Variants in GRIK1 observed in about 807,000 individuals in gnomAD.
The protein encoded by GRIK1 is glutamate ionotropic receptor kainate type subunit 1, also known as glutamate receptor ionotropic, kainate 1.
Under a neutral mutation model 105.7 loss-of-function variants are expected in GRIK1, and 69 were observed. The observed-to-expected ratio is 0.65, with a 90% CI of 0.54 to 0.80. The LOEUF (loss-of-function observed/expected upper bound fraction) is 0.80. Ranked by LOEUF, GRIK1 falls within the 30% of genes least tolerant of loss-of-function variation. The pLI, the probability that GRIK1 is intolerant of heterozygous loss-of-function variation, is 0.00. For synonymous variants in GRIK1, 438 were observed against 431.3 expected (o/e 1.02, Z -0.19); for missense variants, 1,109 against 1,167.3 (o/e 0.95, Z 0.73).
At chr21:29,910,664 C>G (rs962774534) in intron 1 of GRIK1, among the ~76,000 whole-genome samples, 2 of 152,184 alleles carry the variant, frequency 1.3e-5, no homozygotes, top group Non-Finnish European at 2.9e-5. Context: ...TTTCTTGTGG[C>G]TATGATGTGT....
intron 1 of GRIK1, among the ~76,000 whole-genome samples, chr21:29,832,605 G>T (rs2067674533): frequency 6.6e-6 from 1 of 152,132 alleles, no homozygotes; most frequent in African/African-American, 2.4e-5. Context: ...GTGTATCTGG[G>T]GTCCTTTTAG....
chr21:29,866,739 C>T (rs1038904857), intron 1 of GRIK1, among the ~76,000 whole-genome samples: 2 of 152,104 alleles, frequency 1.3e-5, no homozygotes, highest in Admixed American at 1.3e-4. Flanking sequence ...CAGTATGGCA[C>T]ACAAAATTCA....
intron 1 of GRIK1, among the ~76,000 whole-genome samples, chr21:29,752,058 T>G (rs1020005557): frequency 2.0e-5 from 3 of 152,220 alleles, no homozygotes; most frequent in Non-Finnish European, 4.4e-5. Context: ...GAGATAATAG[T>G]CTCTAGAGCT....
chr21:29,765,966 C>T (rs2145714898), intron 1 of GRIK1, among the ~76,000 whole-genome samples: 1 of 152,162 alleles, frequency 6.6e-6, no homozygotes, highest in East Asian at 1.9e-4. Context: ...ATTCTCCTGC[C>T]TCAGCCTCCC....
intron 14 of GRIK1, among the ~76,000 whole-genome samples, chr21:29,564,533 A>G (rs1358625608): frequency 6.6e-6 from 1 of 152,238 alleles, no homozygotes; most frequent in Non-Finnish European, 1.5e-5. Context: ...AACAAAGTCA[A>G]TGTTTAGTTC....
At chr21:29,540,322 T>A (rs1179192354) in intron 16 of GRIK1, among the ~76,000 whole-genome samples, 3 of 152,212 alleles carry the variant, frequency 2.0e-5, no homozygotes, top group Non-Finnish European at 4.4e-5. Context: ...ATAAACATAG[T>A]TTTATCAGTG....
At chr21:29,885,859 A>T (rs1349108003) in intron 1 of GRIK1, among the ~76,000 whole-genome samples, 1 of 152,152 alleles carries the variant, frequency 6.6e-6, no homozygotes, top group African/African-American at 2.4e-5. Flanking sequence ...AATCAGAATT[A>T]AACGTTTAAA....
chr21:29,572,911 C>T (rs368660732), intron 14 of GRIK1, among the ~76,000 whole-genome samples: 34 of 152,212 alleles, frequency 2.2e-4, no homozygotes, highest in African/African-American at 8.2e-4. Flanking sequence ...GCTGGGATTA[C>T]AGGCATGTGC....
At chr21:29,574,727 G>T (rs1001560789) in intron 14 of GRIK1, among the ~76,000 whole-genome samples, 2 of 139,506 alleles carry the variant, frequency 1.4e-5, no homozygotes, top group African/African-American at 5.4e-5. Flanking sequence ...TCGCTCTGTG[G>T]CCCAGGCGGG....
intron 1 of GRIK1, among the ~76,000 whole-genome samples, chr21:29,864,756 T>C (rs538151252): frequency 2.0e-5 from 3 of 152,332 alleles, no homozygotes; most frequent in African/African-American, 4.8e-5. Context: ...TCGTTTGTTG[T>C]CCATCAGTTC....
chr21:29,922,888 G>T (rs1329844891), intron 1 of GRIK1, among the ~76,000 whole-genome samples: 2 of 152,174 alleles, frequency 1.3e-5, no homozygotes, highest in Non-Finnish European at 2.9e-5. Context: ...AAGAATCTCA[G>T]ATGGGAGTGG....
intron 1 of GRIK1, among the ~76,000 whole-genome samples, chr21:29,845,087 C>T (rs2068078682): frequency 6.6e-6 from 1 of 152,126 alleles, no homozygotes; most frequent in Non-Finnish European, 1.5e-5. Context: ...TAAATAACTT[C>T]ACTAGAATAT....
intron 12 of GRIK1, among the ~76,000 whole-genome samples, chr21:29,586,559 C>T (rs1039585731): frequency 6.6e-6 from 1 of 152,108 alleles, no homozygotes; most frequent in Admixed American, 6.5e-5. Context: ...TAGGGACATA[C>T]AAAAGCAATT....
chr21:29,809,657 A>G (rs915576485), intron 1 of GRIK1, among the ~76,000 whole-genome samples: 4 of 152,076 alleles, frequency 2.6e-5, no homozygotes, highest in African/African-American at 4.8e-5. Context: ...TCCATCACGA[A>G]CTTTTCTCTT....
chr21:29,690,011 TGGGGAGGGA>T, intron 2 of GRIK1, 26 bp from the exon 3 acceptor site: 6 of 1,298,426 alleles, frequency 4.6e-6, no homozygotes, highest in South Asian at 2.4e-5. Flanking sequence ...AAGGAGAGGA[TGGGGAGGGA>T]GGGCAGGGAA....
chr21:29,645,168 A>G (rs1199286047), intron 6 of GRIK1, among the ~76,000 whole-genome samples: 3 of 152,212 alleles, frequency 2.0e-5, no homozygotes, highest in East Asian at 1.9e-4. Context: ...CTGAAATTAA[A>G]CTTTTGAAAT....
At chr21:29,909,245 G>A (rs773051847) in intron 1 of GRIK1, among the ~76,000 whole-genome samples, 1 of 151,850 alleles carries the variant, frequency 6.6e-6, no homozygotes, top group African/African-American at 2.4e-5. Context: ...AAAGATAAAT[G>A]TTTAAAGACT....
At chr21:29,653,617 C>T (rs920249982) in intron 5 of GRIK1, among the ~76,000 whole-genome samples, 1 of 152,170 alleles carries the variant, frequency 6.6e-6, no homozygotes, top group Non-Finnish European at 1.5e-5. Context: ...CTCAGGTGTT[C>T]TTCGTGATGG....
chr21:29,804,921 T>C lies in GRIK1; in HGVS notation c.119-110858A>G, dbSNP rs145584423. 2.6e-5 allele frequency among the ~76,000 whole-genome samples: 4 copies of C among 152,284 alleles called. No individual in the cohort carries two copies. In the East Asian group the frequency reaches 7.7e-4, roughly 29 times the overall value. ...CTCATAATAGTCTTATCAACTATTA[T>C]TATCCCCATTTTACATATTAGAAGG... On this transcript the variant is annotated intron_variant, in intron 1 of 17. Transcript: ENST00000327783.
Sources: gnomAD v4.1 joint callset for allele counts (sites outside exome capture counted in the v4.1 genomes callset) on GRCh38, gnomAD v4.1.1 for gene constraint, MANE v1.5 for transcripts, NCBI Gene and HGNC (gene_info 2026-07-23, HGNC 2026-07-21) for gene names.